The following KCNK9 variants were observed in gnomAD, a reference collection of about 807,000 sequenced individuals.
KCNK9 encodes the protein potassium channel subfamily K member 9.
KCNK9 carries 1 observed loss-of-function variant against 10.8 expected under a neutral mutation model. That is an observed-to-expected ratio of 0.09 (90% CI 0.03 to 0.44). KCNK9 has a LOEUF of 0.44. Among genes scored for constraint, KCNK9 ranks in the 20% least tolerant of loss-of-function variants. The pLI, the probability that KCNK9 is intolerant of heterozygous loss-of-function variation, is 0.97. For synonymous variants in KCNK9, 231 were observed against 222.7 expected (o/e 1.04, Z -0.33); for missense variants, 303 against 515.0 (o/e 0.59, Z 3.98).
chr8:139,699,655 G>A (rs188805491), intron 1 of KCNK9, among the ~76,000 whole-genome samples: 5 of 152,316 alleles, frequency 3.3e-5, no homozygotes, highest in African/African-American at 9.6e-5. Context: ...CTGGACTCCC[G>A]TTCTTCCCTG....
intron 1 of KCNK9, among the ~76,000 whole-genome samples, chr8:139,674,211 C>T (rs933046352): frequency 6.6e-6 from 1 of 152,160 alleles, no homozygotes; most frequent in South Asian, 2.1e-4. Context: ...AAGGTGGGGC[C>T]CTGTGATGGG....
At chr8:139,614,286 G>A (rs1814515282), downstream of KCNK9, among the ~76,000 whole-genome samples, 1 of 152,318 alleles carries the variant, frequency 6.6e-6, no homozygotes, top group East Asian at 1.9e-4. Context: ...GGTGAGCTGA[G>A]ATTCATCAAT....
chr8:139,650,235 G>T (rs1378480645), intron 1 of KCNK9, among the ~76,000 whole-genome samples: 3 of 152,172 alleles, frequency 2.0e-5, no homozygotes, highest in Non-Finnish European at 4.4e-5. Flanking sequence ...CAGACTGTAG[G>T]GGTGAGGTGG....
chr8:139,662,868 G>T (rs1816195904), intron 1 of KCNK9, among the ~76,000 whole-genome samples: 1 of 110,530 alleles, frequency 9.0e-6, no homozygotes, highest in Non-Finnish European at 1.7e-5. Context: ...GGGAGGGGTG[G>T]GGGAAGGGGG....
intron 1 of KCNK9, among the ~76,000 whole-genome samples, chr8:139,619,919 A>T (rs764665671): frequency 3.3e-5 from 5 of 152,256 alleles, no homozygotes; most frequent in Non-Finnish European, 7.3e-5. Flanking sequence ...CCACTCTGTG[A>T]ATGGAGCCTG....
intron 1 of KCNK9, among the ~76,000 whole-genome samples, chr8:139,641,121 G>C (rs558566844): frequency 3.0e-4 from 46 of 152,336 alleles, no homozygotes; most frequent in African/African-American, 1.1e-3. Context: ...CTCCATCCCT[G>C]AGGCTCTGAC....
chr8:139,615,861 C>CAGAT (rs1212292072), downstream of KCNK9: 1 of 152,004 alleles, frequency 6.6e-6, no homozygotes, highest in Non-Finnish European at 1.5e-5. Flanking sequence ...CAAATTGACA[C>CAGAT]AGATAGTGTA....
intron 1 of KCNK9, among the ~76,000 whole-genome samples, chr8:139,661,941 G>A (rs986596995): frequency 1.3e-5 from 2 of 152,238 alleles, no homozygotes. Context: ...ACTGCTGGCT[G>A]CTGGTCCACA....
At chr8:139,667,918 G>A (rs930861080) in intron 1 of KCNK9, among the ~76,000 whole-genome samples, 1 of 151,550 alleles carries the variant, frequency 6.6e-6, no homozygotes, top group African/African-American at 2.4e-5. Context: ...GCATAGTTGG[G>A]CCATGCACAG....
At chr8:139,701,073 C>T (rs1360401836) in intron 1 of KCNK9, among the ~76,000 whole-genome samples, 1 of 152,172 alleles carries the variant, frequency 6.6e-6, no homozygotes, top group African/African-American at 2.4e-5. Context: ...ATTTCTTACT[C>T]TCCAGCTCTC....
chr8:139,632,615 TTC>T (rs1455221607), intron 1 of KCNK9, among the ~76,000 whole-genome samples: 3 of 152,232 alleles, frequency 2.0e-5, no homozygotes, highest in South Asian at 2.1e-4. Context: ...CCGTATGATT[TTC>T]TCTCTCTGAC....
intron 2 of KCNK9, among the ~76,000 whole-genome samples, chr8:139,607,170 A>G (rs1814243886): frequency 6.6e-6 from 1 of 152,102 alleles, no homozygotes; most frequent in South Asian, 2.1e-4. Flanking sequence ...TTTCCACCCA[A>G]CTTCTAAAAT....
intron 1 of KCNK9, among the ~76,000 whole-genome samples, chr8:139,685,360 G>A (rs186934032): frequency 4.6e-4 from 70 of 152,264 alleles, no homozygotes; most frequent in Middle Eastern, 3.4e-3. Context: ...GTATACATGT[G>A]CCATGTTGGT....
In KCNK9 at chr8:139,683,006, G is replaced by A. The variant is rs59561852; in HGVS notation, c.283+19704C>T. Among the ~76,000 whole-genome samples the A allele has an allele frequency of 7.7e-3, 1,177 of 152,276 alleles. 12 individuals carry two copies. Among genetic ancestry groups the A allele is most frequent in the African/African-American group, 0.027 (1,126 of 41,554 alleles). On this transcript the variant is annotated intron_variant, in intron 1 of 1. Coordinates refer to ENST00000520439, the MANE Select transcript of KCNK9 (RefSeq NM_001282534.2). ...GGCCTCCTGGGACTGGGGTGGTAAG[G>A]CACTTCAACCAGAGGCAGTAGGGGC...
At chr8:139,690,273 T>A (rs1816910841) in intron 1 of KCNK9, among the ~76,000 whole-genome samples, 1 of 152,226 alleles carries the variant, frequency 6.6e-6, no homozygotes, top group South Asian at 2.1e-4. Context: ...GATCCTCATC[T>A]GTAAAACGGG....
At chr8:139,700,923 A>G (rs760806933) in intron 1 of KCNK9, among the ~76,000 whole-genome samples, 1 of 152,200 alleles carries the variant, frequency 6.6e-6, no homozygotes, top group Non-Finnish European at 1.5e-5. Flanking sequence ...GGGATCAGCC[A>G]AGCATTTTAT....
chr8:139,650,365 G>A (rs1016485738), intron 1 of KCNK9, among the ~76,000 whole-genome samples: 12 of 152,086 alleles, frequency 7.9e-5, no homozygotes, highest in Non-Finnish European at 1.3e-4. Flanking sequence ...AACATGCATC[G>A]ACCTGGCACA....
intron 1 of KCNK9, among the ~76,000 whole-genome samples, chr8:139,681,128 G>T (rs1816679553): frequency 6.6e-6 from 1 of 152,148 alleles, no homozygotes. Context: ...GTGCCATGTG[G>T]CCAAGCGCCT....
chr8:139,647,294 G>A (rs1278576988), intron 1 of KCNK9, among the ~76,000 whole-genome samples: 1 of 152,210 alleles, frequency 6.6e-6, no homozygotes, highest in East Asian at 1.9e-4. Context: ...GTCTATGGCA[G>A]AAGCTACTCC....
Sources: gnomAD v4.1 joint callset for allele counts (sites outside exome capture counted in the v4.1 genomes callset) on GRCh38, gnomAD v4.1.1 for gene constraint, MANE v1.5 for transcripts, NCBI Gene and HGNC (gene_info 2026-07-23, HGNC 2026-07-21) for gene names.